The following PTGR2 variants were observed in gnomAD, a reference collection of about 807,000 sequenced individuals.
The protein encoded by PTGR2 is prostaglandin reductase 2.
Under a neutral mutation model 43.4 loss-of-function variants are expected in PTGR2, and 32 were observed. The observed-to-expected ratio is 0.74, with a 90% CI of 0.56 to 0.99. The LOEUF (loss-of-function observed/expected upper bound fraction) is 0.99, where lower values mean the gene tolerates loss of function less well. Ranked by LOEUF, PTGR2 falls within the 50% of genes least tolerant of loss-of-function variation. The probability of loss-of-function intolerance (pLI) is 0.00; values close to 1 mark genes in which losing one functional copy is unlikely to be tolerated. For missense variants in PTGR2, 373 were observed against 420.0 expected, an observed-to-expected ratio of 0.89 and a Z score of 0.98; for synonymous variants, 106 against 139.2, an observed-to-expected ratio of 0.76 and a Z score of 1.68.
Position 73,879,254 on chromosome 14 carries a change from T to A in PTGR2, c.678T>A (p.Asp226Glu). 6.2e-7 allele frequency: 1 copy of A among 1,614,110 alleles called. No individual in the cohort carries two copies. Among genetic ancestry groups the A allele is most frequent in the South Asian group, 1.1e-5 (1 of 91,076 alleles). The change falls in exon 6 of 10, where the codon GAT becomes GAA. Residue 226 changes from aspartate (D) to glutamate (E), a missense_variant. Coordinates refer to ENST00000555661, the MANE Select transcript of PTGR2 (RefSeq NM_001146154.2). Reference protein sequence around the residue: ...QLRESCPAGVDVYFDNVGGNI... With the variant: ...QLRESCPAGVEVYFDNVGGNI... Reference sequence around the variant, plus strand: ...GTGAATCATGCCCAGCTGGAGTGGATGTTTATTTTGACAATGTTGGTGGTA... The same window carrying A: ...GTGAATCATGCCCAGCTGGAGTGGAAGTTTATTTTGACAATGTTGGTGGTA...
At chr14:73,876,325 A>G (rs532034910) in intron 4 of PTGR2, among the ~76,000 whole-genome samples, 6 of 152,070 alleles carry the variant, frequency 3.9e-5, no homozygotes, top group Non-Finnish European at 8.8e-5. Context: ...CTGGAAGCTA[A>G]AAGTCCAAGA....
In PTGR2 at chr14:73,874,165, A is replaced by G. The variant is rs1177593675; in HGVS notation, c.299A>G (p.Tyr100Cys). 1 of 1,613,916 alleles carries G rather than the reference A, an allele frequency of 6.2e-7. No individual in the cohort carries two copies. The highest frequency in any genetic ancestry group is 1.3e-5 in the African/African-American group (1 of 74,932). The change falls in exon 4 of 10, where the codon TAT (tyrosine) becomes TGT (cysteine). Residue 100 changes from tyrosine (Y) to cysteine (C), a missense_variant. Transcript: ENST00000555661. Reference protein sequence around the residue: ...LTKGDFVTSFYWPWQTKVILD... With the variant: ...LTKGDFVTSFCWPWQTKVILD... The stretch of plus-strand genomic sequence containing the variant: ...AAAGGCGATTTTGTGACTTCTTTCT[A>G]TTGGCCCTGGCAAACCAAGGTTATT...
intron 4 of PTGR2, 68 bp from the exon 5 acceptor site, chr14:73,876,930 T>C: frequency 8.3e-7 from 1 of 1,199,586 alleles, no homozygotes; most frequent in Non-Finnish European, 1.2e-6. Flanking sequence ...CCATAACACG[T>C]TGTCTCTACT....
rs766810794 is a variant in PTGR2 at position 73,876,483 on chromosome 14, C to CTTTTTTTTTTTTTTTTTTTTTTTTTTT, written c.349-499_349-498insTTTTTTTTTTTTTTTTTTTTTTTTTTT. ...TCTTCTTCTTCTAAGGACATAAGTC[C>CTTTTTTTTTTTTTTTTTTTTTTTTTTT]TTTTTTTTTTTTTTTTGAGATGAAG... is the stretch of plus-strand genomic sequence containing the variant. On this transcript the variant is annotated intron_variant, in intron 4 of 9. Transcript: ENST00000555661. Among the ~76,000 whole-genome samples the CTTTTTTTTTTTTTTTTTTTTTTTTTTT allele has an allele frequency of 1.4e-3, 148 of 108,484 alleles. 7 individuals carry two copies. The highest frequency in any genetic ancestry group is 2.4e-3 in the African/African-American group (70 of 29,678). 71.2% of individuals were successfully genotyped at this position (108,484 alleles called of 152,430 possible). A position where few individuals can be genotyped will look rare whatever the true frequency, so the allele number is the denominator to read the frequency against.
chr14:73,866,506 G>A (rs1162101586), intron 3 of PTGR2, among the ~76,000 whole-genome samples: 1 of 152,102 alleles, frequency 6.6e-6, no homozygotes, highest in East Asian at 1.9e-4. Context: ...TTTAGAACCA[G>A]CTTGTCAGTT....
At chr14:73,883,806 AT>A (rs555731732) in intron 9 of PTGR2, among the ~76,000 whole-genome samples, 3 of 148,432 alleles carry the variant, frequency 2.0e-5, no homozygotes, top group South Asian at 2.1e-4. Context: ...TTTTATTCCC[AT>A]TTTTTTTTGC....
chr14:73,878,859 C>T (rs988608582), intron 5 of PTGR2: 1 of 479,236 alleles, frequency 2.1e-6, no homozygotes, highest in Non-Finnish European at 3.7e-6. Context: ...GGACATATCC[C>T]TATCATAAGT....
chr14:73,856,229 TA>T (rs1265854073), intron 1 of PTGR2, among the ~76,000 whole-genome samples: 3 of 151,958 alleles, frequency 2.0e-5, no homozygotes, highest in Non-Finnish European at 4.4e-5. Context: ...TATATAGGTA[TA>T]CCATTTTAAA....
At chr14:73,878,936 C>A (rs970031522) in intron 5 of PTGR2, 160 bp from the exon 6 acceptor site, 2 of 604,724 alleles carry the variant, frequency 3.3e-6, no homozygotes, top group Non-Finnish European at 5.7e-6. Flanking sequence ...TGTCTGCCCT[C>A]AGTTCTTTTA....
chr14:73,876,039 T>TTG (rs1049132838), intron 4 of PTGR2, among the ~76,000 whole-genome samples: 1 of 151,874 alleles, frequency 6.6e-6, no homozygotes, highest in African/African-American at 2.4e-5. Context: ...CAGGCTGGTC[T>TTG]TGAACTCCTG....
Position 73,879,268 on chromosome 14 carries a change from A to G in PTGR2, c.692A>G (p.Asn231Ser). Residue 231 changes from asparagine (N) to serine (S), a missense_variant, in exon 6 of 10, where the codon AAT becomes AGT. Coordinates refer to ENST00000555661, the MANE Select transcript of PTGR2 (RefSeq NM_001146154.2). ...CPAGVDVYFD[N>S]VGGNISDTVI... ...GCTGGAGTGGATGTTTATTTTGACA[A>G]TGTTGGTGGTAACATCAGTGATACA... 1 of 1,614,106 alleles carries G rather than the reference A, an allele frequency of 6.2e-7. No homozygotes were observed. The highest frequency in any genetic ancestry group is 8.5e-7 in the Non-Finnish European group (1 of 1,179,998).
chr14:73,853,169 G>A (rs1432824097), intron 1 of PTGR2, among the ~76,000 whole-genome samples: 1 of 151,862 alleles, frequency 6.6e-6, no homozygotes, highest in African/African-American at 2.4e-5. Flanking sequence ...GTTGCTAGTG[G>A]CAGAATAATC....
At chr14:73,876,956 A>C in intron 4 of PTGR2, 42 bp from the exon 5 acceptor site, 3 of 1,454,418 alleles carry the variant, frequency 2.1e-6, no homozygotes, top group Non-Finnish European at 2.9e-6. Flanking sequence ...GTCTCAAAAC[A>C]GGAATTCCTA....
Position 73,879,238 on chromosome 14 carries a change from G to A in PTGR2, c.662G>A (p.Cys221Tyr), listed in dbSNP as rs571040020. 7 of 1,614,114 alleles carry A rather than the reference G, an allele frequency of 4.3e-6. 1 individual carries two copies. Among genetic ancestry groups the A allele is most frequent in the African/African-American group, 4.0e-5 (3 of 75,030 alleles). The change falls in exon 6 of 10, where the codon TGC becomes TAC. Residue 221 changes from cysteine (C) to tyrosine (Y), a missense_variant. Physicochemically the swap from Cys to Tyr is radical, Grantham distance 194. Transcript: ENST00000555661. The part of the protein sequence containing the change: ...DNVAEQLRES[C>Y]PAGVDVYFDN... Reference sequence around the variant, plus strand: ...GTGGCAGAACAGCTCCGTGAATCATGCCCAGCTGGAGTGGATGTTTATTTT... The same window carrying A: ...GTGGCAGAACAGCTCCGTGAATCATACCCAGCTGGAGTGGATGTTTATTTT...
intron 1 of PTGR2, among the ~76,000 whole-genome samples, chr14:73,854,733 G>A (rs900501027): frequency 2.0e-5 from 3 of 152,122 alleles, no homozygotes; most frequent in Non-Finnish European, 4.4e-5. Context: ...GAAAACTTTG[G>A]CTTTTTAATC....
intron 2 of PTGR2, among the ~76,000 whole-genome samples, chr14:73,860,112 C>G (rs1270769833): frequency 1.3e-5 from 2 of 151,368 alleles, no homozygotes. Context: ...CTCCCAAAGT[C>G]CTGGGGTTAC....
intron 3 of PTGR2, 55 bp downstream of exon 3, chr14:73,860,712 C>G (rs2054470300): frequency 1.1e-6 from 1 of 872,506 alleles, no homozygotes; most frequent in Admixed American, 2.2e-5. Context: ...TATTATTTTT[C>G]ATGTTGTATC....
intron 3 of PTGR2, among the ~76,000 whole-genome samples, chr14:73,868,817 C>A (rs766314272): frequency 6.6e-6 from 1 of 151,898 alleles, no homozygotes; most frequent in African/African-American, 2.4e-5. Flanking sequence ...CTGGGCCATG[C>A]TCTTCCTTGC....
At chr14:73,872,866 A>T (rs1019865925) in intron 3 of PTGR2, among the ~76,000 whole-genome samples, 1 of 151,994 alleles carries the variant, frequency 6.6e-6, no homozygotes, top group Admixed American at 6.6e-5. Flanking sequence ...AGTCCCAGCT[A>T]TGCGGGAGGC....
Sources: gnomAD v4.1 joint callset for allele counts (sites outside exome capture counted in the v4.1 genomes callset) on GRCh38, gnomAD v4.1.1 for gene constraint, MANE v1.5 for transcripts, NCBI Gene and HGNC (gene_info 2026-07-23, HGNC 2026-07-21) for gene names.